LEF1: variants seen among roughly 807,000 people sequenced by gnomAD.
LEF1 encodes the protein lymphoid enhancer binding factor 1, also known as lymphoid enhancer-binding factor 1.
A neutral mutation model predicts 51.2 loss-of-function variants in LEF1; 14 were observed. The ratio of observed to expected loss-of-function variants is 0.27; its 90% confidence interval spans 0.18 to 0.43. The LOEUF (loss-of-function observed/expected upper bound fraction) is 0.43, where lower values mean the gene tolerates loss of function less well. Among genes scored for constraint, LEF1 ranks in the 20% least tolerant of loss-of-function variants. The pLI, the probability that LEF1 is intolerant of heterozygous loss-of-function variation, is 1.00. For missense variants in LEF1, 386 were observed against 512.0 expected, an observed-to-expected ratio of 0.75 and a Z score of 2.37; for synonymous variants, 185 against 183.2, an observed-to-expected ratio of 1.01 and a Z score of -0.08.
intron 9 of LEF1, among the ~76,000 whole-genome samples, chr4:108,065,220 C>T (rs1179908358): frequency 6.6e-6 from 1 of 152,196 alleles, no homozygotes; most frequent in Non-Finnish European, 1.5e-5. Context: ...GGTGTGGTGG[C>T]TCACACCTGT....
chr4:108,132,641 A>T (rs1468255850), intron 3 of LEF1, among the ~76,000 whole-genome samples: 1 of 131,660 alleles, frequency 7.6e-6, no homozygotes, highest in Non-Finnish European at 1.6e-5. Context: ...TAGATATGGG[A>T]TGAGAGCGAA....
At chr4:108,144,648 G>A (rs1347769671) in intron 3 of LEF1, among the ~76,000 whole-genome samples, 1 of 152,096 alleles carries the variant, frequency 6.6e-6, no homozygotes, top group Admixed American at 6.5e-5. Context: ...AAGGAAGGGA[G>A]CAGAATTCCC....
At position 108,167,981 on chromosome 4, in the gene LEF1, C is replaced by T. The variant is rs988920160; in HGVS notation, c.-214G>A. 12 of 236,524 alleles carry T rather than the reference C, an allele frequency of 5.1e-5. No homozygotes were observed. Among genetic ancestry groups the T allele is most frequent in the Non-Finnish European group, 2.4e-5 (3 of 125,518 alleles). The allele number at this position is 236,524 out of a possible 1,614,324, so 14.7% of individuals were successfully genotyped here. ...CGAATCCCGGCGGCCGCCGCGCTTT[C>T]CCGCTTCGCGGAGACCGACGCAGGC... is the stretch of plus-strand genomic sequence containing the variant. On this transcript the variant is annotated 5_prime_UTR_variant, in exon 1 of 12. Coordinates refer to ENST00000265165, the MANE Select transcript of LEF1 (RefSeq NM_016269.5). The surrounding 1 kb of genome is among the most constrained non-coding windows in gnomAD (Gnocchi z 5.7).
intron 2 of LEF1, 68 bp downstream of exon 2, chr4:108,165,029 A>C: frequency 7.2e-7 from 1 of 1,394,012 alleles, no homozygotes; most frequent in Non-Finnish European, 1.0e-6. Flanking sequence ...AAGTAACAAA[A>C]CACACCTATT....
In LEF1 at chr4:108,052,845, G is replaced by T. The variant is rs539413256; in HGVS notation, c.*7-4094C>A. 6.6e-5 allele frequency among the ~76,000 whole-genome samples: 10 copies of T among 152,264 alleles called. No individual in the cohort carries two copies. In the East Asian group the frequency reaches 1.9e-3, roughly 29 times the overall value. Reference sequence around the variant, plus strand: ...AAGGAACAAAAACACTGTCCACTACGCACTGATTTGCCAGGCACTGAGACA... The same window carrying T: ...AAGGAACAAAAACACTGTCCACTACTCACTGATTTGCCAGGCACTGAGACA... On this transcript the variant is annotated intron_variant, in intron 11 of 11. Transcript: ENST00000265165.
At chr4:108,116,565 C>G (rs183111537) in intron 3 of LEF1, among the ~76,000 whole-genome samples, 2 of 152,166 alleles carry the variant, frequency 1.3e-5, no homozygotes, top group African/African-American at 4.8e-5. Context: ...CACTTCTGAA[C>G]CACACTAGAG....
intron 3 of LEF1, among the ~76,000 whole-genome samples, chr4:108,157,153 T>C (rs1419040766): frequency 2.5e-5 from 1 of 39,836 alleles, no homozygotes; most frequent in Non-Finnish European, 6.6e-5. Flanking sequence ...CTTCATTCTC[T>C]CTCTCTCTCT....
At chr4:108,094,598 G>A (rs1052061945) in intron 3 of LEF1, among the ~76,000 whole-genome samples, 1 of 152,240 alleles carries the variant, frequency 6.6e-6, no homozygotes, top group Non-Finnish European at 1.5e-5. Context: ...GGATAGAGGA[G>A]TAACTGGGGG....
Position 108,165,178 on chromosome 4 carries a change from C to T in LEF1, c.214-15G>A, listed in dbSNP as rs368064838. 316 of 1,612,108 alleles carry T rather than the reference C, an allele frequency of 2.0e-4. 2 individuals are homozygous for T. Among genetic ancestry groups the T allele is most frequent in the Non-Finnish European group, 2.6e-4 (308 of 1,178,372 alleles). On this transcript the variant is annotated splice_polypyrimidine_tract_variant and intron_variant, in intron 1 of 11. Transcript: ENST00000265165. ...TGTCTGGCCACCTAACATCATGAATCCCCACACCCAAAAGAAAGAAAATCA... is the reference window on the plus strand; with the variant it reads ...TGTCTGGCCACCTAACATCATGAATTCCCACACCCAAAAGAAAGAAAATCA...
chr4:108,104,276 C>T (rs1242547121), intron 3 of LEF1, among the ~76,000 whole-genome samples: 1 of 151,742 alleles, frequency 6.6e-6, no homozygotes, highest in Non-Finnish European at 1.5e-5. Flanking sequence ...AGAATGACTG[C>T]TAACAGATAC....
chr4:108,147,925 T>A (rs1005024134), intron 3 of LEF1, among the ~76,000 whole-genome samples: 1 of 152,232 alleles, frequency 6.6e-6, no homozygotes, highest in East Asian at 1.9e-4. Flanking sequence ...AGCCACTACA[T>A]GACATATGTA....
At chr4:108,154,311 T>C (rs1744545790) in intron 3 of LEF1, among the ~76,000 whole-genome samples, 1 of 152,042 alleles carries the variant, frequency 6.6e-6, no homozygotes, top group Non-Finnish European at 1.5e-5. Flanking sequence ...GGCAGGTTAC[T>C]GCTGTCGCTG....
At chr4:108,165,642 G>A (rs1301187551) in intron 1 of LEF1, among the ~76,000 whole-genome samples, 3 of 152,194 alleles carry the variant, frequency 2.0e-5, no homozygotes, top group Non-Finnish European at 4.4e-5. Flanking sequence ...CTCAGATGCG[G>A]TCTTAAGGCA....
At chr4:108,108,841 C>T (rs1396189503) in intron 3 of LEF1, among the ~76,000 whole-genome samples, 1 of 152,208 alleles carries the variant, frequency 6.6e-6, no homozygotes, top group African/African-American at 2.4e-5. Flanking sequence ...CTCCTTCATA[C>T]TCTTACCCTC....
rs1245005290 is a variant in LEF1 at position 108,099,556 on chromosome 4, A to ATGTGTGTGTG, written c.415-10309_415-10300dup. Among the ~76,000 whole-genome samples, 68 of 49,660 alleles carry ATGTGTGTGTG rather than the reference A, an allele frequency of 1.4e-3. 1 individual carries two copies. Among genetic ancestry groups the ATGTGTGTGTG allele is most frequent in the African/African-American group, 4.7e-3 (67 of 14,126 alleles). The allele number at this position is 49,660 out of a possible 152,430, so 32.6% of individuals were successfully genotyped here. On this transcript the variant is annotated intron_variant, in intron 3 of 11. Coordinates refer to ENST00000265165, the MANE Select transcript of LEF1 (RefSeq NM_016269.5). ...TATATGTGTATATGTGTGTGTGTGT[A>ATGTGTGTGTG]TGTGTGTGTGTGTGTATATATATAT...
chr4:108,058,555 G>A (rs1405416055), intron 11 of LEF1, among the ~76,000 whole-genome samples: 10 of 151,988 alleles, frequency 6.6e-5, no homozygotes, highest in Non-Finnish European at 1.3e-4. Context: ...CTATTACTGT[G>A]CTATCAAACC....
At chr4:108,074,464 G>T (rs777683665) in intron 8 of LEF1, among the ~76,000 whole-genome samples, 4 of 152,094 alleles carry the variant, frequency 2.6e-5, no homozygotes, top group Non-Finnish European at 5.9e-5. Flanking sequence ...TTATAATATG[G>T]ATTAAAAATA....
intron 3 of LEF1, among the ~76,000 whole-genome samples, chr4:108,127,077 G>C (rs1209952626): frequency 6.6e-6 from 1 of 152,166 alleles, no homozygotes; most frequent in Non-Finnish European, 1.5e-5. Context: ...CTAGAAGAAT[G>C]CTTCTCAGGA....
chr4:108,069,113 C>T lies in LEF1; in HGVS notation c.1116+1550G>A, dbSNP rs181354540. The stretch of plus-strand genomic sequence containing the variant: ...TGTCCTTATAAAAGAGACCCCAGAG[C>T]ACTCTCTTCCCCCTTCTTCTACCTT... On this transcript the variant is annotated intron_variant, in intron 9 of 11. Coordinates refer to ENST00000265165, the MANE Select transcript of LEF1 (RefSeq NM_016269.5). 5.9e-5 allele frequency among the ~76,000 whole-genome samples: 9 copies of T among 152,260 alleles called. No individual in the cohort carries two copies. The East Asian group carries it at 1.5e-3, about 26-fold the overall frequency.
Sources: allele counts gnomAD v4.1 joint callset (sites outside exome capture counted in the v4.1 genomes callset), GRCh38; gene constraint gnomAD v4.1.1; non-coding constraint Gnocchi (gnomAD v3.1); transcripts MANE v1.5; gene names NCBI Gene and HGNC (gene_info 2026-07-23, HGNC 2026-07-21).